The following PPP1R21 variants were observed in gnomAD, a reference collection of about 807,000 sequenced individuals.
PPP1R21 encodes KLRAQ motif containing 1.
PPP1R21 carries 85 observed loss-of-function variants against 112.8 expected under a neutral mutation model. The ratio of observed to expected loss-of-function variants is 0.75; its 90% CI spans 0.63 to 0.90. The LOEUF is 0.90. Among genes scored for constraint, PPP1R21 ranks in the 40% least tolerant of loss-of-function variants. The probability of loss-of-function intolerance (pLI) is 0.00; values close to 1 mark genes in which losing one functional copy is unlikely to be tolerated. For synonymous variants in PPP1R21, 381 were observed against 322.3 expected, an observed-to-expected ratio of 1.18 and a Z score of -1.95; for missense variants, 1,199 against 901.5, an observed-to-expected ratio of 1.33 and a Z score of -4.23.
intron 17 of PPP1R21, among the ~76,000 whole-genome samples, chr2:48,505,295 G>T (rs909627332): frequency 6.6e-6 from 1 of 152,200 alleles, no homozygotes; most frequent in Non-Finnish European, 1.5e-5. Flanking sequence ...TCTCCTAGAT[G>T]ATTTGTTGGG....
intron 2 of PPP1R21, 46 bp from the exon 3 acceptor site, chr2:48,454,549 C>G (rs200333237): frequency 3.2e-5 from 52 of 1,609,854 alleles, no homozygotes; most frequent in Middle Eastern, 1.7e-4. Flanking sequence ...ATTTCTAAAC[C>G]TTACAGCTAA....
At chr2:48,461,059 G>C (rs1440002833) in intron 6 of PPP1R21, 79 bp from the exon 7 acceptor site, 12 of 1,505,898 alleles carry the variant, frequency 8.0e-6, no homozygotes, top group South Asian at 1.3e-5. Flanking sequence ...CCTACTACCA[G>C]CTGTTGAGGT....
chr2:48,469,007 G>A (rs997703902), intron 9 of PPP1R21, among the ~76,000 whole-genome samples: 5 of 151,864 alleles, frequency 3.3e-5, no homozygotes, highest in South Asian at 2.1e-4. Flanking sequence ...GAATCATCGC[G>A]GGAGGCAAAA....
rs74529658 is a variant in PPP1R21, at chr2:48,478,907, G to T, written c.1226-1017G>T. ...AGAGATTAAGAGCTCTTGTTTTAAGGCTTGCTTATCTCCTGGGCTAAATCT... is the reference window on the plus strand; with the variant it reads ...AGAGATTAAGAGCTCTTGTTTTAAGTCTTGCTTATCTCCTGGGCTAAATCT... On this transcript the variant is annotated intron_variant, in intron 12 of 21. Transcript: ENST00000294952. 5.1e-3 allele frequency among the ~76,000 whole-genome samples: 776 copies of T among 152,278 alleles called. 8 individuals carry two copies. The highest frequency in any genetic ancestry group is 0.02 in the South Asian group (98 of 4,830).
At chr2:48,494,942 A>G (rs954147512) in intron 15 of PPP1R21, among the ~76,000 whole-genome samples, 1 of 152,110 alleles carries the variant, frequency 6.6e-6, no homozygotes, top group African/African-American at 2.4e-5. Context: ...CCTGACCTCA[A>G]GCAATCCATC....
At chr2:48,474,018 A>C (rs1668635133) in intron 11 of PPP1R21, among the ~76,000 whole-genome samples, 1 of 152,192 alleles carries the variant, frequency 6.6e-6, no homozygotes, top group South Asian at 2.1e-4. Flanking sequence ...TGTTTAATTC[A>C]TTTTCTTTAG....
At chr2:48,443,572 C>T (rs1667122941) in intron 1 of PPP1R21, among the ~76,000 whole-genome samples, 1 of 152,178 alleles carries the variant, frequency 6.6e-6, no homozygotes, top group Admixed American at 6.5e-5. Flanking sequence ...GCTAAGGAGA[C>T]TGTAGGAGGC....
At chr2:48,469,535 T>C (rs62138862) in intron 9 of PPP1R21, among the ~76,000 whole-genome samples, 1 of 73,234 alleles carries the variant, frequency 1.4e-5, no homozygotes, top group Non-Finnish European at 2.6e-5. Context: ...TATATATATA[T>C]AGAGCATATA....
chr2:48,486,322 A>G (rs1572873574), intron 13 of PPP1R21, among the ~76,000 whole-genome samples: 1 of 152,128 alleles, frequency 6.6e-6, no homozygotes, highest in Admixed American at 6.6e-5. Context: ...TTAACTGGTA[A>G]ATAGTGGTTT....
At chr2:48,446,560 A>G (rs1667256318) in intron 1 of PPP1R21, among the ~76,000 whole-genome samples, 2 of 152,224 alleles carry the variant, frequency 1.3e-5, no homozygotes, top group Admixed American at 6.5e-5. Context: ...AAACACCTTT[A>G]TATGTATAAT....
intron 15 of PPP1R21, among the ~76,000 whole-genome samples, chr2:48,493,623 G>A (rs1171228498): frequency 6.6e-6 from 1 of 151,934 alleles, no homozygotes; most frequent in East Asian, 1.9e-4. Context: ...TTTAGATTTG[G>A]ATCTTTAATT....
At chr2:48,504,329 A>G (rs961299489) in intron 17 of PPP1R21, among the ~76,000 whole-genome samples, 2 of 152,310 alleles carry the variant, frequency 1.3e-5, no homozygotes, top group East Asian at 1.9e-4. Flanking sequence ...ACTCCAGAGG[A>G]AATTATTTAG....
intron 16 of PPP1R21, among the ~76,000 whole-genome samples, chr2:48,496,553 T>G (rs1669845841): frequency 6.6e-6 from 1 of 151,718 alleles, no homozygotes. Flanking sequence ...CTGCAACCTC[T>G]GCCTCCTGGG....
At chr2:48,499,486 G>A (rs1410428942) in intron 17 of PPP1R21, among the ~76,000 whole-genome samples, 1 of 152,218 alleles carries the variant, frequency 6.6e-6, no homozygotes, top group Non-Finnish European at 1.5e-5. Context: ...ACTTTGGGAA[G>A]CTGAGGTGGG....
At chr2:48,474,924 T>G (rs1572859854) in intron 12 of PPP1R21, 105 bp downstream of exon 12, 2 of 965,216 alleles carry the variant, frequency 2.1e-6, no homozygotes, top group Non-Finnish European at 3.1e-6. Context: ...GCATAGGATC[T>G]GGCATCAGGA....
At chr2:48,503,471 A>T (rs1166080403) in intron 17 of PPP1R21, among the ~76,000 whole-genome samples, 1 of 152,182 alleles carries the variant, frequency 6.6e-6, no homozygotes, top group Non-Finnish European at 1.5e-5. Flanking sequence ...GTATAAGGTT[A>T]TTTCTGCATG....
At chr2:48,449,083 T>C (rs1667370419) in intron 1 of PPP1R21, among the ~76,000 whole-genome samples, 1 of 152,024 alleles carries the variant, frequency 6.6e-6, no homozygotes, top group African/African-American at 2.4e-5. Flanking sequence ...TATTTTATCT[T>C]CCCTTTTAAA....
At chr2:48,464,206 C>T (rs1668103392) in intron 7 of PPP1R21, among the ~76,000 whole-genome samples, 1 of 152,050 alleles carries the variant, frequency 6.6e-6, no homozygotes, top group African/African-American at 2.4e-5. Flanking sequence ...AATGTATAGC[C>T]CAGTGAGTAG....
chr2:48,470,152 G>T (rs1668436493), intron 9 of PPP1R21, among the ~76,000 whole-genome samples: 1 of 152,072 alleles, frequency 6.6e-6, no homozygotes, highest in African/African-American at 2.4e-5. Context: ...ATGCCTATAG[G>T]ATTTTTTTCT....
Sources: gnomAD v4.1 joint callset for allele counts (sites outside exome capture counted in the v4.1 genomes callset) on GRCh38, gnomAD v4.1.1 for gene constraint, MANE v1.5 for transcripts, NCBI Gene and HGNC (gene_info 2026-07-23, HGNC 2026-07-21) for gene names.